TSGA13: variants seen among roughly 807,000 people sequenced by gnomAD.
The protein encoded by TSGA13 is testis-specific gene 13 protein.
A neutral mutation model predicts 35.1 loss-of-function variants in TSGA13; 37 were observed. The observed-to-expected ratio is 1.05, with a 90% confidence interval of 0.81 to 1.39. The LOEUF (loss-of-function observed/expected upper bound fraction) is 1.39, where lower values mean the gene tolerates loss of function less well. TSGA13 is among the 40% of genes most tolerant of loss of function. TSGA13 has a pLI of 0.00. For missense variants in TSGA13, 338 were observed against 328.5 expected, an observed-to-expected ratio of 1.03 and a Z score of -0.22; for synonymous variants, 124 against 121.2, an observed-to-expected ratio of 1.02 and a Z score of -0.15.
At chr7:130,680,598 TTCTC>T (rs1167167325) in intron 4 of TSGA13, among the ~76,000 whole-genome samples, 1 of 151,978 alleles carries the variant, frequency 6.6e-6, no homozygotes, top group Non-Finnish European at 1.5e-5. Flanking sequence ...AAATTTGCCT[TTCTC>T]TCAATAGGAG....
intron 2 of TSGA13, among the ~76,000 whole-genome samples, chr7:130,684,954 C>T (rs575268161): frequency 4.6e-5 from 7 of 152,284 alleles, no homozygotes; most frequent in African/African-American, 1.4e-4. Context: ...ATATGAAAAG[C>T]GCTTCTTTAG....
chr7:130,669,304 A>T lies in TSGA13; in HGVS notation c.659-121T>A, dbSNP rs1554462505. The T allele has an allele frequency of 3.3e-6, 4 of 1,221,968 alleles. No homozygotes were observed. The African/African-American group carries it at 6.0e-5, about 18-fold the overall frequency. 75.7% of individuals were successfully genotyped at this position (1,221,968 alleles called of 1,614,324 possible). A position where few individuals can be genotyped will look rare whatever the true frequency, so the allele number is the denominator to read the frequency against. Reference sequence around the variant, plus strand: ...CCAGAGGCTGGTCTTTAGAGGGTAGATTTTGGACCGTGTAATACCATTCCC... The same window carrying T: ...CCAGAGGCTGGTCTTTAGAGGGTAGTTTTTGGACCGTGTAATACCATTCCC... On this transcript the variant is annotated intron_variant, in intron 7 of 7. Coordinates refer to ENST00000356588, the MANE Select transcript of TSGA13 (RefSeq NM_052933.4).
intron 5 of TSGA13, among the ~76,000 whole-genome samples, chr7:130,675,786 A>G (rs1398455003): frequency 6.6e-6 from 1 of 152,222 alleles, no homozygotes; most frequent in Non-Finnish European, 1.5e-5. Flanking sequence ...CAAGAATCTG[A>G]TTAGCTCAGG....
rs1796635510 is a variant in TSGA13 at position 130,685,234 on chromosome 7, A to G, written c.-24T>C. The G allele has an allele frequency of 2.5e-6, 4 of 1,612,524 alleles. No individual in the cohort carries two copies. Among genetic ancestry groups the G allele is most frequent in the South Asian group, 1.1e-5 (1 of 91,042 alleles). On this transcript the variant is annotated 5_prime_UTR_variant, in exon 2 of 8. Coordinates refer to ENST00000356588, the MANE Select transcript of TSGA13 (RefSeq NM_052933.4). ...ATTGCTGTTGACTGCTAGTTGGCCA[A>G]CCCAAGGCAGGTATTCACCCAAGGC... is the stretch of plus-strand genomic sequence containing the variant.
At chr7:130,684,973 C>T (rs1013524503) in intron 2 of TSGA13, among the ~76,000 whole-genome samples, 2 of 152,168 alleles carry the variant, frequency 1.3e-5, no homozygotes, top group Non-Finnish European at 2.9e-5. Flanking sequence ...AGCCCAACAG[C>T]GTCCATCTGG....
intron 5 of TSGA13, among the ~76,000 whole-genome samples, chr7:130,675,983 C>T (rs1554464069): frequency 6.6e-6 from 1 of 152,186 alleles, no homozygotes; most frequent in East Asian, 1.9e-4. Context: ...AATAGAACTT[C>T]TCAGGATATT....
Position 130,672,892 on chromosome 7 carries a change from GGAA to G in TSGA13, c.388-19_388-17del. 6.2e-7 allele frequency: 1 copy of G among 1,610,732 alleles called. No homozygotes were observed. The highest frequency in any genetic ancestry group is 1.1e-5 in the South Asian group (1 of 90,558). ...GATGACTTTCCTGTAGGGAAACGAG[GGAA>G]GAAGAGTGAGGGAGTAAGCTGAGTC... On this transcript the variant is annotated splice_polypyrimidine_tract_variant and intron_variant, in intron 5 of 7. Coordinates refer to ENST00000356588, the MANE Select transcript of TSGA13 (RefSeq NM_052933.4).
chr7:130,672,837 G>A lies in TSGA13; in HGVS notation c.427C>T (p.Leu143=). The change falls in exon 6 of 8, where the codon CTG becomes TTG. Residue 143 remains leucine (L), a synonymous_variant. Transcript: ENST00000356588. The part of the protein sequence containing the change: ...HQHKPTENLW[L]PRMPQKKKLR... The stretch of plus-strand genomic sequence containing the variant: ...TTTTTTTTCTGAGGCATGCGGGGCA[G>A]CCAGAGGTTCTCAGTGGGTTTGTGC... The A allele has an allele frequency of 1.2e-6, 2 of 1,614,132 alleles. No individual in the cohort carries two copies. The highest frequency in any genetic ancestry group is 2.7e-5 in the African/African-American group (2 of 75,052).
intron 2 of TSGA13, among the ~76,000 whole-genome samples, chr7:130,684,017 A>G (rs1469405771): frequency 6.6e-6 from 1 of 152,208 alleles, no homozygotes; most frequent in African/African-American, 2.4e-5. Flanking sequence ...GATCCTCACA[A>G]TACCCTTAAA....
chr7:130,677,530 T>C (rs1554464309), intron 5 of TSGA13, among the ~76,000 whole-genome samples: 1 of 152,084 alleles, frequency 6.6e-6, no homozygotes, highest in Non-Finnish European at 1.5e-5. Context: ...GTTCAAGCGA[T>C]TCTCCTCCCT....
intron 1 of TSGA13, 122 bp from the exon 2 acceptor site, chr7:130,685,482 C>T (rs1011629361): frequency 1.5e-5 from 14 of 911,436 alleles, no homozygotes; most frequent in Middle Eastern, 3.8e-4. Context: ...TGGGAGAAAG[C>T]GATTATCCAA....
intron 5 of TSGA13, 115 bp from the exon 6 acceptor site, chr7:130,672,991 C>G: frequency 3.3e-6 from 4 of 1,209,564 alleles, no homozygotes; most frequent in Non-Finnish European, 4.4e-6. Flanking sequence ...GCAACAAAAC[C>G]TGTCAGAGGG....
chr7:130,677,445 G>C (rs1205974599), intron 5 of TSGA13, among the ~76,000 whole-genome samples: 2 of 148,220 alleles, frequency 1.3e-5, no homozygotes, highest in African/African-American at 2.5e-5. Flanking sequence ...TTTTTTTTGA[G>C]ATAGAGTCTC....
intron 1 of TSGA13, among the ~76,000 whole-genome samples, chr7:130,685,746 T>G (rs1796644181): frequency 1.3e-5 from 2 of 152,212 alleles, no homozygotes; most frequent in Non-Finnish European, 1.5e-5. Context: ...AAAGCCATGC[T>G]CATTCATAGA....
Position 130,680,815 on chromosome 7 carries a change from C to T in TSGA13, c.174+131G>A, listed in dbSNP as rs1278542674. 2.2e-4 allele frequency: 176 copies of T among 804,670 alleles called. 2 individuals carry two copies. Among genetic ancestry groups the T allele is most frequent in the Non-Finnish European group, 2.4e-5 (12 of 496,662 alleles). 49.8% of individuals were successfully genotyped at this position (804,670 alleles called of 1,614,324 possible). A position where few individuals can be genotyped will look rare whatever the true frequency, so the allele number is the denominator to read the frequency against. ...CATAACCTAGAGGCAGCTCTGCCTG[C>T]CTGTCCTAAGAGTACGCACAGTCAC... On this transcript the variant is annotated intron_variant, in intron 4 of 7. Coordinates refer to ENST00000356588, the MANE Select transcript of TSGA13 (RefSeq NM_052933.4).
intron 2 of TSGA13, 77 bp from the exon 3 acceptor site, chr7:130,683,749 A>G (rs1356936167): frequency 4.3e-6 from 6 of 1,400,000 alleles, no homozygotes; most frequent in South Asian, 3.7e-5. Flanking sequence ...AGTCTCCCTC[A>G]ACAAAGTTTG....
rs782570483 is a variant in TSGA13 at position 130,680,940 on chromosome 7, A to G, written c.174+6T>C. On this transcript the variant is annotated splice_donor_region_variant and intron_variant, in intron 4 of 7. Transcript: ENST00000356588. ...GAGATCTTGGGGGAATGCTTTCTCT[A>G]CCTACCAAATTTGGATGGACTGTGT... 5 of 1,613,666 alleles carry G rather than the reference A, an allele frequency of 3.1e-6. No individual in the cohort carries two copies. Among genetic ancestry groups the G allele is most frequent in the Non-Finnish European group, 3.4e-6 (4 of 1,179,792 alleles).
chr7:130,668,801 A>T lies in TSGA13; in HGVS notation c.*213T>A. ...GGCCGCCGCGCCTTCACTCGGGGCC[A>T]AGGCCCGCCCTCCCCGGCCGCCCTC... On this transcript the variant is annotated 3_prime_UTR_variant, in exon 8 of 8. Transcript: ENST00000356588. 7.8e-7 allele frequency: 1 copy of T among 1,284,914 alleles called. No individual in the cohort carries two copies. Among genetic ancestry groups the T allele is most frequent in the Non-Finnish European group, 1.0e-6 (1 of 963,084 alleles). 79.6% of individuals were successfully genotyped at this position (1,284,914 alleles called of 1,614,324 possible). A position where few individuals can be genotyped will look rare whatever the true frequency, so the allele number is the denominator to read the frequency against.
At chr7:130,681,102 G>T in intron 3 of TSGA13, 85 bp from the exon 4 acceptor site, 1 of 1,158,626 alleles carries the variant, frequency 8.6e-7, no homozygotes, top group Non-Finnish European at 1.3e-6. Flanking sequence ...TAGTCTCACT[G>T]GAGAACTGGT....
Sources: gnomAD v4.1 joint callset for allele counts (sites outside exome capture counted in the v4.1 genomes callset) on GRCh38, gnomAD v4.1.1 for gene constraint, MANE v1.5 for transcripts, NCBI Gene and HGNC (gene_info 2026-07-23, HGNC 2026-07-21) for gene names.